The following CPNE4 variants were observed in gnomAD, a reference collection of about 807,000 sequenced individuals.
The protein encoded by CPNE4 is copine-4.
A neutral mutation model predicts 67.9 loss-of-function variants in CPNE4; 25 were observed. The observed-to-expected ratio is 0.37, with a 90% confidence interval of 0.27 to 0.51. The LOEUF (loss-of-function observed/expected upper bound fraction) is 0.51, where lower values mean the gene tolerates loss of function less well. Among genes scored for constraint, CPNE4 ranks in the 20% least tolerant of loss-of-function variants. The probability of loss-of-function intolerance (pLI) is 0.93; values close to 1 mark genes in which losing one functional copy is unlikely to be tolerated. For missense variants in CPNE4, 464 were observed against 690.8 expected (o/e 0.67, Z 3.68); for synonymous variants, 242 against 244.9 (o/e 0.99, Z 0.11).
At chr3:131,588,473 A>C (rs530194975) in intron 7 of CPNE4, among the ~76,000 whole-genome samples, 2 of 152,286 alleles carry the variant, frequency 1.3e-5, no homozygotes, top group South Asian at 4.1e-4. Flanking sequence ...CAAGGCAGCA[A>C]AGGGGACCTT....
chr3:131,598,290 TG>T (rs1939007288), intron 7 of CPNE4, among the ~76,000 whole-genome samples: 1 of 152,350 alleles, frequency 6.6e-6, no homozygotes, highest in South Asian at 2.1e-4. Flanking sequence ...AGAATTGGAA[TG>T]AATGCTCTCT....
chr3:131,960,845 G>A (rs950461739), intron 1 of CPNE4, among the ~76,000 whole-genome samples: 1 of 152,042 alleles, frequency 6.6e-6, no homozygotes, highest in Non-Finnish European at 1.5e-5. Flanking sequence ...CCCCAGTCCA[G>A]AACTCCTCAA....
chr3:131,920,433 T>G (rs1400408461), intron 1 of CPNE4, among the ~76,000 whole-genome samples: 3 of 152,122 alleles, frequency 2.0e-5, no homozygotes, highest in African/African-American at 7.2e-5. Context: ...ATCACTTACA[T>G]GCTATAGCTA....
chr3:131,559,296 A>T (rs931413048), intron 11 of CPNE4, among the ~76,000 whole-genome samples: 2 of 152,046 alleles, frequency 1.3e-5, no homozygotes, highest in African/African-American at 4.8e-5. Flanking sequence ...CCATACACTT[A>T]TTTATAAGAA....
chr3:132,031,892 T>G (rs1211213801), intron 1 of CPNE4, among the ~76,000 whole-genome samples: 1 of 152,184 alleles, frequency 6.6e-6, no homozygotes, highest in East Asian at 1.9e-4. Flanking sequence ...TCTAATTATT[T>G]AAAAGAATCA....
chr3:131,876,483 A>C (rs1159243203), intron 2 of CPNE4, among the ~76,000 whole-genome samples: 2 of 151,338 alleles, frequency 1.3e-5, no homozygotes, highest in Non-Finnish European at 2.9e-5. Flanking sequence ...TCTACTAAAA[A>C]TAGAAAAGAT....
At chr3:131,922,637 G>C (rs1471220979) in intron 1 of CPNE4, among the ~76,000 whole-genome samples, 6 of 152,232 alleles carry the variant, frequency 3.9e-5, no homozygotes, top group African/African-American at 1.2e-4. Context: ...ACATATGGTT[G>C]AAAGTGCTTT....
chr3:131,762,820 CATG>C (rs915446540), intron 2 of CPNE4, among the ~76,000 whole-genome samples: 5 of 151,586 alleles, frequency 3.3e-5, no homozygotes, highest in African/African-American at 7.3e-5. Flanking sequence ...TTACGGATAT[CATG>C]ATATTTTTAT....
chr3:131,753,015 T>G (rs111788474), intron 2 of CPNE4, among the ~76,000 whole-genome samples: 3 of 151,254 alleles, frequency 2.0e-5, no homozygotes, highest in African/African-American at 7.3e-5. Context: ...AAATATAAAA[T>G]ATAAATTGTA....
intron 1 of CPNE4, among the ~76,000 whole-genome samples, chr3:131,992,147 G>A (rs2073187576): frequency 7.3e-6 from 1 of 136,404 alleles, no homozygotes. Flanking sequence ...TAGTGGAGCT[G>A]TGAGAAGAGG....
chr3:131,879,828 C>T lies in CPNE4; in HGVS notation c.180+25436G>A, dbSNP rs369701829. Among the ~76,000 whole-genome samples the T allele has an allele frequency of 3.3e-4, 50 of 152,252 alleles. 1 individual carries two copies. In the South Asian group the frequency reaches 9.5e-3, roughly 29 times the overall value. On this transcript the variant is annotated intron_variant, in intron 2 of 15. Coordinates refer to ENST00000429747, the MANE Select transcript of CPNE4 (RefSeq NM_130808.3). Reference sequence around the variant, plus strand: ...CCCCTGTTGAGGTCAGACCTTTGCACACAGCATAATTTTCCCTTTCTAGAC... The same window carrying T: ...CCCCTGTTGAGGTCAGACCTTTGCATACAGCATAATTTTCCCTTTCTAGAC...
chr3:131,904,952 C>T (rs1316270515), intron 2 of CPNE4, among the ~76,000 whole-genome samples: 1 of 152,094 alleles, frequency 6.6e-6, no homozygotes, highest in Admixed American at 6.6e-5. Context: ...TCTGGGTTCA[C>T]GTCTGTTCCT....
At chr3:131,598,857 G>A (rs1185322882) in intron 7 of CPNE4, among the ~76,000 whole-genome samples, 67 of 56,002 alleles carry the variant, frequency 1.2e-3, no homozygotes, top group African/African-American at 3.2e-3. Context: ...CCACCCCCCC[G>A]CCAAAAAAAA....
intron 13 of CPNE4, among the ~76,000 whole-genome samples, chr3:131,550,741 G>A (rs1028675402): frequency 1.3e-5 from 2 of 152,024 alleles, no homozygotes; most frequent in African/African-American, 4.8e-5. Context: ...GAGCAAAGTG[G>A]CTGATATACT....
At chr3:131,783,136 C>T (rs556911392) in intron 2 of CPNE4, among the ~76,000 whole-genome samples, 4 of 152,122 alleles carry the variant, frequency 2.6e-5, no homozygotes, top group South Asian at 2.1e-4. Flanking sequence ...AAAATTAAAA[C>T]GACAAATGCA....
At chr3:131,795,543 T>C (rs2083897375) in intron 2 of CPNE4, among the ~76,000 whole-genome samples, 1 of 152,156 alleles carries the variant, frequency 6.6e-6, no homozygotes, top group African/African-American at 2.4e-5. Context: ...TAACCAGTAA[T>C]GACTGCCCCT....
intron 2 of CPNE4, among the ~76,000 whole-genome samples, chr3:131,779,537 A>C (rs2083380918): frequency 6.6e-6 from 1 of 152,192 alleles, no homozygotes; most frequent in African/African-American, 2.4e-5. Context: ...CCATACACCT[A>C]CAACCATGTC....
chr3:131,767,282 T>TGTGC (rs10678624), intron 2 of CPNE4, among the ~76,000 whole-genome samples: 3 of 150,276 alleles, frequency 2.0e-5, no homozygotes, highest in Non-Finnish European at 4.5e-5. Flanking sequence ...TGTGTGTGTG[T>TGTGC]ACTGTATTTA....
chr3:131,669,279 G>T (rs2080342357), intron 7 of CPNE4, among the ~76,000 whole-genome samples: 1 of 152,168 alleles, frequency 6.6e-6, no homozygotes, highest in Non-Finnish European at 1.5e-5. Context: ...CAACTTGTCA[G>T]TACTCAGAAT....
Sources: gnomAD v4.1 joint callset for allele counts (sites outside exome capture counted in the v4.1 genomes callset) on GRCh38, gnomAD v4.1.1 for gene constraint, MANE v1.5 for transcripts, NCBI Gene and HGNC (gene_info 2026-07-23, HGNC 2026-07-21) for gene names.